The following XKR6 variants were observed in gnomAD, a reference collection of about 807,000 sequenced individuals.
XKR6 encodes XK related 6, also known as XK-related protein 6.
A neutral mutation model predicts 56.7 loss-of-function variants in XKR6; 22 were observed. That is an observed-to-expected ratio of 0.39 (90% CI 0.28 to 0.55). XKR6 has a LOEUF of 0.55. Ranked by LOEUF, XKR6 falls within the 20% of genes least tolerant of loss-of-function variation. The pLI is 0.66. For missense variants in XKR6, 852 were observed against 889.0 expected (o/e 0.96, Z 0.53); for synonymous variants, 524 against 387.8 (o/e 1.35, Z -4.13).
intron 1 of XKR6, among the ~76,000 whole-genome samples, chr8:10,999,938 A>G (rs1798201296): frequency 6.6e-6 from 1 of 152,222 alleles, no homozygotes; most frequent in Non-Finnish European, 1.5e-5. Context: ...TAAGAGAAAT[A>G]TGGGCAAGGA....
intron 1 of XKR6, among the ~76,000 whole-genome samples, chr8:11,098,656 G>A (rs1798352071): frequency 6.6e-6 from 1 of 152,150 alleles, no homozygotes; most frequent in African/African-American, 2.4e-5. Flanking sequence ...AAGGTTCAAG[G>A]TACCTCTTTT....
chr8:10,997,068 C>T (rs1281781995), intron 1 of XKR6, among the ~76,000 whole-genome samples: 4 of 152,220 alleles, frequency 2.6e-5, no homozygotes, highest in African/African-American at 7.2e-5. Context: ...CAACCTTTCT[C>T]ATCGTCTGCA....
At chr8:11,131,003 T>G (rs1353807460) in intron 1 of XKR6, among the ~76,000 whole-genome samples, 1 of 152,090 alleles carries the variant, frequency 6.6e-6, no homozygotes, top group African/African-American at 2.4e-5. Context: ...ATAAGCACAT[T>G]TCATAAATCG....
rs1374381790 is a variant in XKR6 at position 10,896,600 on chromosome 8, T to C, written c.*1352A>G. ...ACACACATACTACACACACAAAATT[T>C]CCCATTCAACCCAGATGCACCAGGT... On this transcript the variant is annotated 3_prime_UTR_variant, in exon 3 of 3. Coordinates refer to ENST00000416569, the MANE Select transcript of XKR6 (RefSeq NM_173683.4). 1 of 152,446 alleles carries C rather than the reference T, an allele frequency of 6.6e-6. No individual in the cohort carries two copies. Among genetic ancestry groups the C allele is most frequent in the Admixed American group, 6.6e-5 (1 of 15,258 alleles). The allele number at this position is 152,446 out of a possible 1,614,324, so 9.4% of individuals were successfully genotyped here. A position where few individuals can be genotyped will look rare whatever the true frequency, so the allele number is the denominator to read the frequency against.
chr8:10,990,508 T>G lies in XKR6; in HGVS notation c.765-65678A>C, dbSNP rs571019608. 1.8e-4 allele frequency among the ~76,000 whole-genome samples: 28 copies of G among 152,154 alleles called. No homozygotes were observed. In the East Asian group the frequency reaches 5.2e-3, roughly 28 times the overall value. On this transcript the variant is annotated intron_variant, in intron 1 of 2. Transcript: ENST00000416569. ...GCTGAAAAGCCTGTTCTGGCCCTGGTGGGAGCTGTCCATGGACACAACACA... is the reference window on the plus strand; with the variant it reads ...GCTGAAAAGCCTGTTCTGGCCCTGGGGGGAGCTGTCCATGGACACAACACA...
intron 1 of XKR6, among the ~76,000 whole-genome samples, chr8:11,045,852 T>C (rs1312946103): frequency 6.6e-6 from 1 of 152,150 alleles, no homozygotes; most frequent in African/African-American, 2.4e-5. Flanking sequence ...TCATCACTTG[T>C]AAGTTAAAAA....
At chr8:11,028,905 A>T (rs1366098582) in intron 1 of XKR6, among the ~76,000 whole-genome samples, 1 of 152,100 alleles carries the variant, frequency 6.6e-6, no homozygotes, top group East Asian at 1.9e-4. Flanking sequence ...GCAGGGTGGG[A>T]TGTGAACTCT....
At position 11,182,741 on chromosome 8, in the gene XKR6, T is replaced by C. The variant is rs116413863; in HGVS notation, c.764+17835A>G. ...TTGTGGCAAAGTATATACAACAAAATTTACCATCTGAGCCATTTTCAAGTG... is the reference window on the plus strand; with the variant it reads ...TTGTGGCAAAGTATATACAACAAAACTTACCATCTGAGCCATTTTCAAGTG... On this transcript the variant is annotated intron_variant, in intron 1 of 2. Transcript: ENST00000416569. Among the ~76,000 whole-genome samples the C allele has an allele frequency of 6.2e-3, 938 of 152,344 alleles. 15 individuals are homozygous for C. Among genetic ancestry groups the C allele is most frequent in the African/African-American group, 0.022 (916 of 41,574 alleles).
intron 1 of XKR6, among the ~76,000 whole-genome samples, chr8:10,925,473 G>A (rs1451764174): frequency 6.6e-6 from 1 of 152,162 alleles, no homozygotes; most frequent in African/African-American, 2.4e-5. Context: ...CTGGACATCA[G>A]GGGGACCCAG....
chr8:10,984,720 CTCTCTCTCTCTCTA>C lies in XKR6; in HGVS notation c.765-59904_765-59891del, dbSNP rs1233097756. Among the ~76,000 whole-genome samples, 209 of 83,250 alleles carry C rather than the reference CTCTCTCTCTCTCTA, an allele frequency of 2.5e-3. 2 individuals carry two copies. Among genetic ancestry groups the C allele is most frequent in the African/African-American group, 1.0e-2 (189 of 18,940 alleles). 54.6% of individuals were successfully genotyped at this position (83,250 alleles called of 152,430 possible). On this transcript the variant is annotated intron_variant, in intron 1 of 2. Transcript: ENST00000416569. ...GCTCTCTCTCTCTCTCTCTCTCTCT[CTCTCTCTCTCTCTA>C]TATATATATATATATATATATATTT... is the stretch of plus-strand genomic sequence containing the variant.
At position 11,013,474 on chromosome 8, in the gene XKR6, ACT is replaced by A. The variant is rs1298851817; in HGVS notation, c.765-88646_765-88645del. ...TAGGTTTCCCCAGCTGCCTCTAGGG[ACT>A]CTGTCTGGGTCAGCCTGGCAGAGGT... On this transcript the variant is annotated intron_variant, in intron 1 of 2. Transcript: ENST00000416569. Among the ~76,000 whole-genome samples, 11 of 152,108 alleles carry A rather than the reference ACT, an allele frequency of 7.2e-5. No homozygotes were observed. The East Asian group carries it at 2.1e-3, about 29-fold the overall frequency.
chr8:11,113,146 G>A (rs955193467), intron 1 of XKR6, among the ~76,000 whole-genome samples: 4 of 152,180 alleles, frequency 2.6e-5, no homozygotes, highest in Non-Finnish European at 5.9e-5. Flanking sequence ...AAGTAAATCT[G>A]TGATACTATA....
intron 1 of XKR6, among the ~76,000 whole-genome samples, chr8:11,140,183 A>T (rs1800618934): frequency 1.3e-5 from 2 of 152,158 alleles, no homozygotes; most frequent in South Asian, 4.1e-4. Flanking sequence ...AATACTAAAG[A>T]CAGGCAAAGA....
Position 10,914,566 on chromosome 8 carries a change from C to T in XKR6, c.961+10068G>A, listed in dbSNP as rs1310440161. On this transcript the variant is annotated intron_variant, in intron 2 of 2. Coordinates refer to ENST00000416569, the MANE Select transcript of XKR6 (RefSeq NM_173683.4). ...TGTGACTCCCCCAATGCTCCTCCTC[C>T]TTAGGCTACAGCTGAAATGGGCTTC... is the stretch of plus-strand genomic sequence containing the variant. Among the ~76,000 whole-genome samples, 3 of 152,210 alleles carry T rather than the reference C, an allele frequency of 2.0e-5. No individual in the cohort carries two copies. In the East Asian group the frequency reaches 5.8e-4, roughly 29 times the overall value.
intron 1 of XKR6, among the ~76,000 whole-genome samples, chr8:11,006,473 C>G (rs1223905231): frequency 2.0e-5 from 3 of 152,162 alleles, no homozygotes; most frequent in Non-Finnish European, 2.9e-5. Flanking sequence ...CATACTTTTT[C>G]TGTCCTGTGA....
chr8:11,071,481 C>CCCCGAGTCT (rs1563117527), intron 1 of XKR6, among the ~76,000 whole-genome samples: 1,666 of 57,400 alleles, frequency 0.029, 149 homozygotes, highest in African/African-American at 0.16. Context: ...GCCCCGAGTC[C>CCCCGAGTCT]ATGAGCCCCG....
At chr8:11,038,939 C>G in intron 1 of XKR6, among the ~76,000 whole-genome samples, 1 of 152,180 alleles carries the variant, frequency 6.6e-6, no homozygotes, top group East Asian at 1.9e-4. Context: ...TGCTTACACT[C>G]ACTCGTTTCC....
chr8:11,156,441 G>C (rs982693697), intron 1 of XKR6, among the ~76,000 whole-genome samples: 2 of 152,162 alleles, frequency 1.3e-5, no homozygotes, highest in Non-Finnish European at 2.9e-5. Flanking sequence ...TGAATTCCTG[G>C]AGGGCAGACA....
chr8:10,902,086 CTT>C (rs998811155), intron 2 of XKR6, among the ~76,000 whole-genome samples: 3 of 152,172 alleles, frequency 2.0e-5, no homozygotes, highest in African/African-American at 7.2e-5. Context: ...TGAAACTACT[CTT>C]GTTTCAGCCG....
Sources: gnomAD v4.1 joint callset for allele counts (sites outside exome capture counted in the v4.1 genomes callset) on GRCh38, gnomAD v4.1.1 for gene constraint, MANE v1.5 for transcripts, NCBI Gene and HGNC (gene_info 2026-07-23, HGNC 2026-07-21) for gene names.